The following RPN1 variants were observed in gnomAD, a reference collection of about 807,000 sequenced individuals.
RPN1 encodes the protein ribophorin I, also known as dolichyl-diphosphooligosaccharide--protein glycosyltransferase subunit 1.
RPN1 carries 12 observed loss-of-function variants against 55.5 expected under a neutral mutation model. The observed-to-expected ratio is 0.22, with a 90% confidence interval of 0.14 to 0.35. RPN1 has a LOEUF of 0.35. Among genes scored for constraint, RPN1 ranks in the 10% least tolerant of loss-of-function variants. The pLI, the probability that RPN1 is intolerant of heterozygous loss-of-function variation, is 1.00. For missense variants in RPN1, 679 were observed against 761.3 expected, an observed-to-expected ratio of 0.89 and a Z score of 1.27; for synonymous variants, 317 against 305.9, an observed-to-expected ratio of 1.04 and a Z score of -0.38.
rs747024275 is a variant in RPN1 at position 128,620,590 on chromosome 3, T to A, written c.1645A>T (p.Ser549Cys). The A allele has an allele frequency of 3.1e-5, 50 of 1,612,746 alleles. No individual in the cohort carries two copies. The highest frequency in any genetic ancestry group is 1.6e-4 in the Middle Eastern group (1 of 6,084). ...TGTGCATCCAGCTTCTGCATTTCGC[T>A]CACCTGGCCGAGGCAAGAGCAGGGC... ...TEGSDLCDRVSEMQKLDAQVK... is the reference protein window; with the variant it reads ...TEGSDLCDRVCEMQKLDAQVK... Residue 549 changes from serine (S) to cysteine (C), a missense_variant, in exon 10 of 10, where the codon AGC (serine) becomes TGC (cysteine). Ser to Cys is a moderately radical substitution (Grantham distance 112, BLOSUM62 -1). Around this residue, in one of 3 missense-constraint regions of RPN1, gnomAD observed 306 missense variants for 360.0 expected, o/e 0.85. Coordinates refer to ENST00000296255, the MANE Select transcript of RPN1 (RefSeq NM_002950.4).
chr3:128,641,237 G>C (rs1187828989), intron 2 of RPN1: 1 of 152,008 alleles, frequency 6.6e-6, no homozygotes, highest in Non-Finnish European at 1.5e-5. Flanking sequence ...AGGAAGAGGT[G>C]ATAAAGACAA....
At chr3:128,635,686 G>GATAT (rs1204161460) in intron 3 of RPN1, among the ~76,000 whole-genome samples, 7 of 113,232 alleles carry the variant, frequency 6.2e-5, no homozygotes, top group African/African-American at 2.8e-4. Context: ...GATATCTATA[G>GATAT]ATATACACAC....
At chr3:128,634,797 G>A (rs756894869) in intron 3 of RPN1, among the ~76,000 whole-genome samples, 2 of 151,838 alleles carry the variant, frequency 1.3e-5, no homozygotes, top group Non-Finnish European at 2.9e-5. Context: ...TCCTGACCTC[G>A]TGATCCGCCA....
intron 9 of RPN1, among the ~76,000 whole-genome samples, chr3:128,621,009 G>C (rs991575168): frequency 1.3e-5 from 2 of 152,188 alleles, no homozygotes; most frequent in African/African-American, 4.8e-5. Context: ...GCAAGGGAAG[G>C]GGGGGTGACA....
At chr3:128,645,014 T>C (rs1461034765) in intron 1 of RPN1, 31 bp from the exon 2 acceptor site, 2 of 1,314,838 alleles carry the variant, frequency 1.5e-6, no homozygotes, top group Non-Finnish European at 1.1e-6. Flanking sequence ...TTATTATTCA[T>C]GTCTTTTGGC....
At chr3:128,644,062 GC>G (rs1399861443) in intron 2 of RPN1, among the ~76,000 whole-genome samples, 2 of 152,200 alleles carry the variant, frequency 1.3e-5, no homozygotes, top group African/African-American at 4.8e-5. Flanking sequence ...CACTTTGAAT[GC>G]CCTGAAGGCT....
chr3:128,649,015 A>G (rs1038271656), intron 1 of RPN1, among the ~76,000 whole-genome samples: 8 of 152,192 alleles, frequency 5.3e-5, no homozygotes, highest in Non-Finnish European at 1.2e-4. Context: ...GAATATATTT[A>G]AAATACCCAC....
At chr3:128,645,424 G>A (rs920213456) in intron 1 of RPN1, among the ~76,000 whole-genome samples, 3 of 149,488 alleles carry the variant, frequency 2.0e-5, no homozygotes, top group Admixed American at 1.3e-4. Context: ...CGGCTGAGAT[G>A]GCGCCATCAC....
chr3:128,623,905 C>G (rs984255298), intron 8 of RPN1, among the ~76,000 whole-genome samples: 1 of 152,082 alleles, frequency 6.6e-6, no homozygotes, highest in Non-Finnish European at 1.5e-5. Flanking sequence ...TACCCTTGCT[C>G]TCAGGCTACA....
chr3:128,621,328 T>G (rs1357470956), intron 9 of RPN1, among the ~76,000 whole-genome samples: 1 of 152,136 alleles, frequency 6.6e-6, no homozygotes, highest in African/African-American at 2.4e-5. Context: ...CTGGGCAACA[T>G]GGCGAAACCC....
chr3:128,626,662 G>T, intron 6 of RPN1, 71 bp downstream of exon 6: 1 of 1,328,254 alleles, frequency 7.5e-7, no homozygotes, highest in Non-Finnish European at 1.1e-6. Flanking sequence ...TAGAACATAG[G>T]CTCTCCTTAG....
intron 8 of RPN1, among the ~76,000 whole-genome samples, chr3:128,623,311 C>G (rs2069573906): frequency 1.3e-5 from 2 of 152,136 alleles, no homozygotes; most frequent in South Asian, 4.1e-4. Context: ...CCGAGGCAGG[C>G]AGATTGCTTG....
At chr3:128,620,781 A>G (rs1576790521) in intron 9 of RPN1, among the ~76,000 whole-genome samples, 188 bp from the exon 10 acceptor site, 1 of 152,310 alleles carries the variant, frequency 6.6e-6, no homozygotes, top group East Asian at 1.9e-4. Context: ...TCAAATGCCA[A>G]CTTCACCACC....
At chr3:128,624,028 TTCC>T (rs1219773980) in intron 8 of RPN1, among the ~76,000 whole-genome samples, 2 of 151,740 alleles carry the variant, frequency 1.3e-5, no homozygotes, top group African/African-American at 2.4e-5. Context: ...CACACAGTTA[TTCC>T]TCGAGCCCCC....
intron 3 of RPN1, among the ~76,000 whole-genome samples, chr3:128,633,044 C>T (rs1367149692): frequency 6.6e-6 from 1 of 152,178 alleles, no homozygotes; most frequent in East Asian, 1.9e-4. Flanking sequence ...AGTTTATTCA[C>T]TCATTCTATG....
intron 2 of RPN1, 167 bp downstream of exon 2, chr3:128,644,752 A>G (rs2069754106): frequency 1.5e-6 from 1 of 646,950 alleles, no homozygotes; most frequent in Non-Finnish European, 2.8e-6. Context: ...TGAGCTCAGG[A>G]GTTCAAGACC....
In RPN1 at chr3:128,634,128, C is replaced by T. The variant is rs1382365668; in HGVS notation, c.634-1971G>A. 2.0e-5 allele frequency among the ~76,000 whole-genome samples: 3 copies of T among 152,078 alleles called. No individual in the cohort carries two copies. In the East Asian group the frequency reaches 5.8e-4, roughly 29 times the overall value. Reference sequence around the variant, plus strand: ...ATCACTTGAGGTCAGGAGTTTGAGACCAGCCTGGCCAACATGGTGAAACCC... The same window carrying T: ...ATCACTTGAGGTCAGGAGTTTGAGATCAGCCTGGCCAACATGGTGAAACCC... On this transcript the variant is annotated intron_variant, in intron 3 of 9. Transcript: ENST00000296255.
chr3:128,629,799 C>T (rs1197084342), intron 5 of RPN1, 152 bp downstream of exon 5: 4 of 559,814 alleles, frequency 7.1e-6, no homozygotes, highest in Admixed American at 3.3e-5. Context: ...AATACTAACT[C>T]GTACCCACTT....
At chr3:128,647,921 T>C (rs924518489) in intron 1 of RPN1, among the ~76,000 whole-genome samples, 2 of 152,214 alleles carry the variant, frequency 1.3e-5, no homozygotes, top group South Asian at 2.1e-4. Flanking sequence ...GTAACCACCA[T>C]GGTCCCTTCT....
Sources: gnomAD v4.1 joint callset for allele counts (sites outside exome capture counted in the v4.1 genomes callset) on GRCh38, gnomAD v4.1.1 for gene constraint, gnomAD v4.1.1 regional missense constraint, MANE v1.5 for transcripts, NCBI Gene and HGNC (gene_info 2026-07-23, HGNC 2026-07-21) for gene names.